The following STOX1 variants were observed in gnomAD, a reference collection of about 807,000 sequenced individuals.
STOX1 encodes the protein storkhead-box protein 1.
Under a neutral mutation model 74.8 loss-of-function variants are expected in STOX1, and 57 were observed. The ratio of observed to expected loss-of-function variants is 0.76; its 90% confidence interval spans 0.62 to 0.95. STOX1 has a LOEUF of 0.95. STOX1 is among the 40% of genes least tolerant of loss of function. STOX1 has a pLI of 0.00. For synonymous variants in STOX1, 375 were observed against 401.3 expected, an observed-to-expected ratio of 0.93 and a Z score of 0.78; for missense variants, 1,010 against 1,117.0, an observed-to-expected ratio of 0.90 and a Z score of 1.37.
intron 1 of STOX1, among the ~76,000 whole-genome samples, chr10:68,840,038 A>G (rs1417022016): frequency 6.6e-6 from 1 of 152,196 alleles, no homozygotes; most frequent in Non-Finnish European, 1.5e-5. Flanking sequence ...ACCCACACAT[A>G]TACAGTTAAC....
chr10:68,894,269 C>T (rs1176624697), downstream of STOX1, among the ~76,000 whole-genome samples: 4 of 152,026 alleles, frequency 2.6e-5, no homozygotes, highest in Non-Finnish European at 4.4e-5. Flanking sequence ...CTATGTTGGC[C>T]AGGCTAGTCT....
At chr10:68,871,971 G>A (rs1013538380) in intron 1 of STOX1, among the ~76,000 whole-genome samples, 11 of 152,288 alleles carry the variant, frequency 7.2e-5, no homozygotes, top group East Asian at 5.8e-4. Flanking sequence ...TTAAAATCAC[G>A]AAAGCTTCTT....
intron 1 of STOX1, among the ~76,000 whole-genome samples, chr10:68,835,617 A>C (rs1839527583): frequency 6.6e-6 from 1 of 151,974 alleles, no homozygotes; most frequent in Non-Finnish European, 1.5e-5. Context: ...CTGCTTCCCA[A>C]AGTGCTGGGA....
chr10:68,849,551 A>C (rs896544004), intron 1 of STOX1, among the ~76,000 whole-genome samples: 1 of 152,068 alleles, frequency 6.6e-6, no homozygotes. Flanking sequence ...GGAGCTGTGG[A>C]AGGAGCCCTC....
chr10:68,838,327 A>G (rs1472217706), intron 1 of STOX1, among the ~76,000 whole-genome samples: 2 of 152,124 alleles, frequency 1.3e-5, no homozygotes. Flanking sequence ...TCGGCCTCCC[A>G]AAGTGATGCG....
chr10:68,841,859 C>G (rs1447401853), intron 1 of STOX1, among the ~76,000 whole-genome samples: 1 of 152,124 alleles, frequency 6.6e-6, no homozygotes, highest in Non-Finnish European at 1.5e-5. Context: ...AACTCTGGGT[C>G]CCTTTGGAGT....
chr10:68,855,096 T>TG (rs1370635862), intron 1 of STOX1, among the ~76,000 whole-genome samples: 1 of 150,126 alleles, frequency 6.7e-6, no homozygotes, highest in African/African-American at 2.5e-5. Context: ...CCAGCCTGGG[T>TG]GACAGAAAGA....
chr10:68,854,512 G>T (rs192912914), intron 1 of STOX1, among the ~76,000 whole-genome samples: 115 of 152,082 alleles, frequency 7.6e-4, no homozygotes, highest in Non-Finnish European at 1.4e-3. Context: ...TGTCCAGGCT[G>T]ATCTTGAACT....
intron 1 of STOX1, among the ~76,000 whole-genome samples, chr10:68,874,013 C>CTTTTT (rs1160388935): frequency 0.031 from 806 of 25,744 alleles, 183 homozygotes; most frequent in East Asian, 0.057. Context: ...GCTAGGTAGC[C>CTTTTT]TTTTTTTTTT....
intron 1 of STOX1, among the ~76,000 whole-genome samples, chr10:68,874,290 T>G (rs12260087): frequency 0.013 from 1,957 of 152,076 alleles, 38 homozygotes; most frequent in African/African-American, 0.045. Context: ...AAACCTCAGA[T>G]AAGAAAAAAT....
intron 1 of STOX1, among the ~76,000 whole-genome samples, chr10:68,867,487 C>A (rs1256891647): frequency 6.6e-6 from 1 of 152,100 alleles, no homozygotes; most frequent in Non-Finnish European, 1.5e-5. Flanking sequence ...TTCTAATAGC[C>A]ACTGGGGTGA....
At chr10:68,861,120 C>A (rs1376911385) in intron 1 of STOX1, among the ~76,000 whole-genome samples, 1 of 152,012 alleles carries the variant, frequency 6.6e-6, no homozygotes, top group Non-Finnish European at 1.5e-5. Flanking sequence ...CATGGAGACC[C>A]CAACCCAGCA....
intron 1 of STOX1, among the ~76,000 whole-genome samples, chr10:68,866,953 T>G (rs1489470788): frequency 2.7e-5 from 4 of 150,758 alleles, no homozygotes; most frequent in Non-Finnish European, 5.9e-5. Flanking sequence ...TTGTTTTTTT[T>G]TTTTTTTTTC....
intron 1 of STOX1, among the ~76,000 whole-genome samples, chr10:68,881,305 A>G (rs1751001666): frequency 1.3e-5 from 2 of 152,206 alleles, no homozygotes; most frequent in South Asian, 2.1e-4. Context: ...GTCCTGTATT[A>G]AGCCTTAAGT....
intron 1 of STOX1, among the ~76,000 whole-genome samples, chr10:68,835,613 C>G (rs1839527489): frequency 6.6e-6 from 1 of 152,162 alleles, no homozygotes; most frequent in African/African-American, 2.4e-5. Flanking sequence ...GCCTCTGCTT[C>G]CCAAAGTGCT....
intron 1 of STOX1, chr10:68,828,946 A>G: frequency 1.0e-6 from 1 of 985,332 alleles, no homozygotes; most frequent in Non-Finnish European, 1.2e-6. Flanking sequence ...GAGAAACTAA[A>G]CCACCGCACC....
chr10:68,858,314 A>G (rs55785913), intron 1 of STOX1, among the ~76,000 whole-genome samples: 36,352 of 151,928 alleles, frequency 0.24, 4,833 homozygotes, highest in African/African-American at 0.34. Flanking sequence ...ATTTCTTAAG[A>G]GTTGCAAACT....
intron 1 of STOX1, among the ~76,000 whole-genome samples, chr10:68,857,565 T>C (rs1261743532): frequency 6.6e-6 from 1 of 152,066 alleles, no homozygotes; most frequent in Non-Finnish European, 1.5e-5. Flanking sequence ...CACTATACAG[T>C]TGTAAAATAA....
chr10:68,852,440 A>C (rs1247455282), intron 1 of STOX1, among the ~76,000 whole-genome samples: 3 of 150,926 alleles, frequency 2.0e-5, no homozygotes, highest in Non-Finnish European at 4.4e-5. Context: ...TTGTATTTTT[A>C]GTAGAGACGG....
Sources: gnomAD v4.1 joint callset for allele counts (sites outside exome capture counted in the v4.1 genomes callset) on GRCh38, gnomAD v4.1.1 for gene constraint, MANE v1.5 for transcripts, NCBI Gene and HGNC (gene_info 2026-07-23, HGNC 2026-07-21) for gene names.